Variants in GPHN observed in about 807,000 individuals in gnomAD.
GPHN encodes gephyrin.
Under a neutral mutation model 95.5 loss-of-function variants are expected in GPHN, and 17 were observed. The observed-to-expected ratio is 0.18, with a 90% CI of 0.12 to 0.27. The LOEUF (loss-of-function observed/expected upper bound fraction) is 0.27, where lower values mean the gene tolerates loss of function less well. GPHN is among the 10% of genes least tolerant of loss of function. GPHN has a pLI of 1.00. For missense variants in GPHN, 660 were observed against 978.1 expected, an observed-to-expected ratio of 0.67 and a Z score of 4.34; for synonymous variants, 320 against 322.5, an observed-to-expected ratio of 0.99 and a Z score of 0.08.
At chr14:67,342,210 AAAT>A in the GPHN span, among the ~76,000 whole-genome samples, 13,801 of 125,176 alleles carry the variant, frequency 0.11, 802 homozygotes, top group African/African-American at 0.2. Flanking sequence ...ATAAATAAAT[AAAT>A]AAAATAAAAT....
the GPHN span, among the ~76,000 whole-genome samples, chr14:67,187,684 C>A: frequency 6.6e-6 from 1 of 152,298 alleles, no homozygotes; most frequent in Middle Eastern, 3.4e-3. Flanking sequence ...CATTTTCTTT[C>A]AACCCTTCAA....
rs1260075978 is a variant in GPHN at position 66,836,920 on chromosome 14, C to T, written c.294+12354C>T. ...TACCATCTCACACCAGTTAGAATGG[C>T]AATCATTAAAAAGTCAGGAAACAAC... On this transcript the variant is annotated intron_variant, in intron 4 of 22. Coordinates refer to ENST00000478722, the MANE Select transcript of GPHN (RefSeq NM_020806.5). Among the ~76,000 whole-genome samples, 166 of 149,346 alleles carry T rather than the reference C, an allele frequency of 1.1e-3. 2 individuals carry two copies. The highest frequency in any genetic ancestry group is 3.9e-3 in the African/African-American group (160 of 40,536).
chr14:67,720,290 CTT>C, the GPHN span, among the ~76,000 whole-genome samples: 14,058 of 152,174 alleles, frequency 0.092, 668 homozygotes, highest in Middle Eastern at 0.2. Flanking sequence ...CAATTAGTCT[CTT>C]GTCTTCAAAG....
At chr14:67,176,994 T>C (rs1002909956) in intron 21 of GPHN, among the ~76,000 whole-genome samples, 2 of 152,148 alleles carry the variant, frequency 1.3e-5, no homozygotes, top group Admixed American at 6.6e-5. Flanking sequence ...TTGCTAAGAG[T>C]CTATCTATTT....
the GPHN span, among the ~76,000 whole-genome samples, chr14:67,594,603 A>G: frequency 6.6e-6 from 1 of 151,810 alleles, no homozygotes; most frequent in African/African-American, 2.4e-5. Flanking sequence ...CAGTGAGCCG[A>G]GATCGCACCA....
chr14:67,692,952 T>C, the GPHN span: 4 of 1,612,806 alleles, frequency 2.5e-6, no homozygotes, highest in East Asian at 8.9e-5. Flanking sequence ...GCCAGCTCTT[T>C]GGCTGTCTCC....
the GPHN span, among the ~76,000 whole-genome samples, chr14:67,625,399 C>T: frequency 2.0e-5 from 3 of 152,076 alleles, no homozygotes; most frequent in South Asian, 4.1e-4. Flanking sequence ...AAAGTGGGGG[C>T]CAGGCACGGT....
chr14:66,601,951 A>G (rs1177581774), intron 1 of GPHN, among the ~76,000 whole-genome samples: 1 of 151,998 alleles, frequency 6.6e-6, no homozygotes, highest in Non-Finnish European at 1.5e-5. Flanking sequence ...AATAGGCATC[A>G]TAGTGATTAT....
intron 1 of GPHN, among the ~76,000 whole-genome samples, chr14:66,545,421 C>T (rs1460271775): frequency 7.1e-6 from 1 of 140,696 alleles, no homozygotes; most frequent in African/African-American, 2.8e-5. Flanking sequence ...GGGCGGCTGG[C>T]CGGGCAGAGG....
intron 13 of GPHN, among the ~76,000 whole-genome samples, chr14:67,105,404 A>G (rs1595157152): frequency 6.6e-6 from 1 of 152,102 alleles, no homozygotes; most frequent in African/African-American, 2.4e-5. Context: ...TTCTATCTAT[A>G]TGACTTGTCC....
At chr14:67,121,156 T>C (rs2078991545) in intron 16 of GPHN, among the ~76,000 whole-genome samples, 1 of 152,182 alleles carries the variant, frequency 6.6e-6, no homozygotes, top group Non-Finnish European at 1.5e-5. Flanking sequence ...TTCAAGTAAG[T>C]ACTTCTTTTT....
chr14:67,266,514 C>T, the GPHN span, among the ~76,000 whole-genome samples: 2 of 152,102 alleles, frequency 1.3e-5, no homozygotes, highest in East Asian at 3.9e-4. Context: ...TTAGTAGAGA[C>T]AGGGTTTCAC....
At chr14:67,140,740 A>T (rs117196066) in intron 17 of GPHN, among the ~76,000 whole-genome samples, 1 of 152,312 alleles carries the variant, frequency 6.6e-6, no homozygotes, top group South Asian at 2.1e-4. Flanking sequence ...CATAATGATA[A>T]TATGATCCAG....
At chr14:67,612,582 A>G in the GPHN span, among the ~76,000 whole-genome samples, 4,743 of 152,252 alleles carry the variant, frequency 0.031, 227 homozygotes, top group African/African-American at 0.11. Flanking sequence ...GTACCTATAG[A>G]TAAAAAGACT....
chr14:67,606,132 A>G, the GPHN span, among the ~76,000 whole-genome samples: 1 of 152,228 alleles, frequency 6.6e-6, no homozygotes, highest in Non-Finnish European at 1.5e-5. Context: ...TTGTTCTCAT[A>G]GCCAGTGAAA....
chr14:66,886,806 G>A (rs1029506251), intron 5 of GPHN, among the ~76,000 whole-genome samples: 1 of 152,054 alleles, frequency 6.6e-6, no homozygotes, highest in Non-Finnish European at 1.5e-5. Flanking sequence ...GAGGGAGAAA[G>A]GGGCTTACCA....
chr14:67,569,663 A>G, the GPHN span: 2 of 533,576 alleles, frequency 3.7e-6, no homozygotes, highest in Non-Finnish European at 6.8e-6. Flanking sequence ...ACAGTGGAAC[A>G]CTGTGCAAGC....
chr14:66,646,935 C>T (rs1333639475), intron 1 of GPHN, among the ~76,000 whole-genome samples: 4 of 152,086 alleles, frequency 2.6e-5, no homozygotes, highest in Non-Finnish European at 5.9e-5. Context: ...CTCACTCTGT[C>T]ACCCAGGCTG....
the GPHN span, among the ~76,000 whole-genome samples, chr14:67,366,048 C>T: frequency 6.6e-6 from 1 of 150,918 alleles, no homozygotes; most frequent in Admixed American, 6.6e-5. Context: ...CATCACTGTC[C>T]TAGTAGTACC....
Sources: gnomAD v4.1 joint callset for allele counts (sites outside exome capture counted in the v4.1 genomes callset) on GRCh38, gnomAD v4.1.1 for gene constraint, MANE v1.5 for transcripts, NCBI Gene and HGNC (gene_info 2026-07-23, HGNC 2026-07-21) for gene names.